FRMD4A: variants seen among roughly 807,000 people sequenced by gnomAD.
FRMD4A encodes FERM domain containing 4A.
Under a neutral mutation model 129.1 loss-of-function variants are expected in FRMD4A, and 29 were observed. That is an observed-to-expected ratio of 0.22 (90% CI 0.17 to 0.31). The LOEUF (loss-of-function observed/expected upper bound fraction) is 0.31, where lower values mean the gene tolerates loss of function less well. Among genes scored for constraint, FRMD4A ranks in the 10% least tolerant of loss-of-function variants. FRMD4A has a pLI of 1.00. For missense variants in FRMD4A, 1,272 were observed against 1,375.8 expected, an observed-to-expected ratio of 0.92 and a Z score of 1.19; for synonymous variants, 634 against 571.6, an observed-to-expected ratio of 1.11 and a Z score of -1.56.
intron 2 of FRMD4A, among the ~76,000 whole-genome samples, chr10:14,177,150 AC>A (rs1182561912): frequency 6.6e-6 from 1 of 150,920 alleles, no homozygotes; most frequent in East Asian, 1.9e-4. Context: ...AAACTCAGAA[AC>A]CCCTCTCATC....
At chr10:13,704,031 A>C (rs1354813196) in intron 13 of FRMD4A, among the ~76,000 whole-genome samples, 4 of 151,930 alleles carry the variant, frequency 2.6e-5, no homozygotes, top group South Asian at 4.2e-4. Context: ...AACAAACAAA[A>C]AAACACTCAA....
rs544207465 is a variant in FRMD4A at position 14,136,370 on chromosome 10, G to T, written c.45+193688C>A. On this transcript the variant is annotated intron_variant, in intron 2 of 24. Transcript: ENST00000357447. ...ACCTTGAGATGTTAACCCCAAAACA[G>T]TTCTGTTGAATTTCACCCTTGAAAT... 5.9e-5 allele frequency among the ~76,000 whole-genome samples: 9 copies of T among 152,258 alleles called. No individual in the cohort carries two copies. In the South Asian group the frequency reaches 1.2e-3, roughly 21 times the overall value.
At chr10:14,039,280 T>G (rs75427183) in intron 2 of FRMD4A, among the ~76,000 whole-genome samples, 160 of 152,324 alleles carry the variant, frequency 1.1e-3, no homozygotes, top group African/African-American at 3.7e-3. Flanking sequence ...CCATATATAC[T>G]ATATCAAAGG....
chr10:13,719,974 A>G (rs530415741), intron 12 of FRMD4A, among the ~76,000 whole-genome samples: 10 of 152,300 alleles, frequency 6.6e-5, no homozygotes, highest in African/African-American at 2.2e-4. Flanking sequence ...AGCTGTAAAA[A>G]GCCAGTCCCT....
intron 2 of FRMD4A, among the ~76,000 whole-genome samples, chr10:14,162,157 T>C (rs921044525): frequency 6.6e-6 from 1 of 152,214 alleles, no homozygotes; most frequent in Non-Finnish European, 1.5e-5. Flanking sequence ...GTGTTCATTT[T>C]ATGCTTATAG....
At chr10:14,082,440 C>T (rs1835982540) in intron 2 of FRMD4A, among the ~76,000 whole-genome samples, 1 of 152,080 alleles carries the variant, frequency 6.6e-6, no homozygotes, top group South Asian at 2.1e-4. Flanking sequence ...AGACGTCCTA[C>T]AGACTTGAAG....
At chr10:13,948,960 T>C (rs1181586125) in intron 2 of FRMD4A, among the ~76,000 whole-genome samples, 2 of 152,112 alleles carry the variant, frequency 1.3e-5, no homozygotes, top group Non-Finnish European at 2.9e-5. Flanking sequence ...GAGAGGATTT[T>C]TAATAAGTTA....
chr10:14,240,095 G>C (rs1186979475), intron 2 of FRMD4A, among the ~76,000 whole-genome samples: 1 of 152,138 alleles, frequency 6.6e-6, no homozygotes, highest in Admixed American at 6.5e-5. Context: ...CTATGTTGAT[G>C]GTTGCTAGAG....
intron 3 of FRMD4A, among the ~76,000 whole-genome samples, chr10:13,815,919 C>G (rs1307637753): frequency 6.6e-6 from 1 of 152,198 alleles, no homozygotes; most frequent in Non-Finnish European, 1.5e-5. Flanking sequence ...GAGTTTTTGC[C>G]TTACCATGGT....
intron 2 of FRMD4A, among the ~76,000 whole-genome samples, chr10:13,963,450 T>C (rs928650467): frequency 6.6e-6 from 1 of 152,142 alleles, no homozygotes; most frequent in Non-Finnish European, 1.5e-5. Flanking sequence ...AAAGCCCAAC[T>C]TTCCACATGT....
chr10:14,262,567 G>T (rs1429311191), intron 2 of FRMD4A, among the ~76,000 whole-genome samples: 2 of 152,132 alleles, frequency 1.3e-5, no homozygotes, highest in African/African-American at 2.4e-5. Flanking sequence ...CCTTCCTGGG[G>T]CTAAACTGCG....
intron 2 of FRMD4A, among the ~76,000 whole-genome samples, chr10:13,954,271 A>G (rs552462669): frequency 6.6e-6 from 1 of 152,328 alleles, no homozygotes; most frequent in South Asian, 2.1e-4. Context: ...TGAGTAATTT[A>G]TAAAGAAAAA....
At chr10:14,086,810 C>T (rs11258857) in intron 2 of FRMD4A, among the ~76,000 whole-genome samples, 1,773 of 152,280 alleles carry the variant, frequency 0.012, 16 homozygotes, top group East Asian at 0.045. Flanking sequence ...GGTCTTCTGT[C>T]TGATTCTGGG....
chr10:14,018,950 G>C lies in FRMD4A; in HGVS notation c.46-160038C>G, dbSNP rs552719872. ...TTCAACAAGAGAATACCGATCACTA[G>C]ATAAGTTATTAGTTAAGTGTGAGGG... On this transcript the variant is annotated intron_variant, in intron 2 of 24. Transcript: ENST00000357447. Among the ~76,000 whole-genome samples, 4 of 152,264 alleles carry C rather than the reference G, an allele frequency of 2.6e-5. No individual in the cohort carries two copies. The South Asian group carries it at 6.2e-4, about 24-fold the overall frequency.
intron 2 of FRMD4A, among the ~76,000 whole-genome samples, chr10:13,860,997 G>C (rs184026159): frequency 6.6e-6 from 1 of 152,122 alleles, no homozygotes; most frequent in Admixed American, 6.6e-5. Flanking sequence ...ATTTCTCAAG[G>C]CCTGTTAGGT....
At chr10:14,284,380 G>T (rs1329129988) in intron 2 of FRMD4A, among the ~76,000 whole-genome samples, 1 of 152,156 alleles carries the variant, frequency 6.6e-6, no homozygotes, top group Non-Finnish European at 1.5e-5. Flanking sequence ...TGGGCGCAGT[G>T]GTTCATGCCT....
At chr10:14,132,006 A>C (rs1406069535) in intron 2 of FRMD4A, among the ~76,000 whole-genome samples, 1 of 152,188 alleles carries the variant, frequency 6.6e-6, no homozygotes, top group South Asian at 2.1e-4. Context: ...ATAAAATTCA[A>C]ACATAAGGCC....
chr10:14,060,067 C>T (rs146114049), intron 2 of FRMD4A, among the ~76,000 whole-genome samples: 126 of 152,338 alleles, frequency 8.3e-4, no homozygotes, highest in African/African-American at 2.9e-3. Flanking sequence ...TACTCTATCT[C>T]TAAGTTTAAG....
chr10:13,986,463 C>G (rs971461857), intron 2 of FRMD4A, among the ~76,000 whole-genome samples: 56 of 126,676 alleles, frequency 4.4e-4, no homozygotes, highest in African/African-American at 1.7e-3. Flanking sequence ...CACATGGACA[C>G]AGGAAGGGGA....
Sources: gnomAD v4.1 joint callset for allele counts (sites outside exome capture counted in the v4.1 genomes callset) on GRCh38, gnomAD v4.1.1 for gene constraint, MANE v1.5 for transcripts, NCBI Gene and HGNC (gene_info 2026-07-23, HGNC 2026-07-21) for gene names.